The following CDH4 variants were observed in gnomAD, a reference collection of about 807,000 sequenced individuals.
The protein encoded by CDH4 is cadherin-4.
Under a neutral mutation model 86.0 loss-of-function variants are expected in CDH4, and 33 were observed. The observed-to-expected ratio is 0.38, with a 90% CI of 0.29 to 0.51. The LOEUF is 0.51. Among genes scored for constraint, CDH4 ranks in the 20% least tolerant of loss-of-function variants. The probability of loss-of-function intolerance (pLI) is 0.86; values close to 1 mark genes in which losing one functional copy is unlikely to be tolerated. For missense variants in CDH4, 1,114 were observed against 1,307.4 expected (o/e 0.85, Z 2.28); for synonymous variants, 555 against 549.4 (o/e 1.01, Z -0.14).
At chr20:61,610,628 G>A (rs914770899) in intron 2 of CDH4, among the ~76,000 whole-genome samples, 10 of 152,094 alleles carry the variant, frequency 6.6e-5, no homozygotes, top group African/African-American at 2.4e-4. Context: ...AGCATATGAG[G>A]GCTCCCCTTT....
chr20:61,832,391 G>A (rs866759415), intron 4 of CDH4, among the ~76,000 whole-genome samples: 3 of 152,230 alleles, frequency 2.0e-5, no homozygotes, highest in Non-Finnish European at 4.4e-5. Flanking sequence ...TTGTGGTGAT[G>A]AGTAAGTGAG....
chr20:61,311,026 C>G (rs936306955), intron 2 of CDH4, among the ~76,000 whole-genome samples: 2 of 152,186 alleles, frequency 1.3e-5, no homozygotes, highest in African/African-American at 4.8e-5. Context: ...GTCCCCACCC[C>G]ACTCCACTGC....
At chr20:61,900,527 T>C (rs3787409) in intron 8 of CDH4, among the ~76,000 whole-genome samples, 113,561 of 152,038 alleles carry the variant, frequency 0.75, 44,750 homozygotes, top group Non-Finnish European at 0.88. Context: ...CAACTCTGGG[T>C]CCACCCTGGG....
Position 61,910,438 on chromosome 20 carries a change from C to T in CDH4, c.1205C>T (p.Pro402Leu). The T allele has an allele frequency of 6.2e-7, 1 of 1,613,406 alleles. No individual in the cohort carries two copies. Among genetic ancestry groups the T allele is most frequent in the Non-Finnish European group, 8.5e-7 (1 of 1,179,580 alleles). ...FTASTFAGEV[P>L]ENRVETVVAN... Reference sequence around the variant, plus strand: ...ATTTTGCAGTTTGCAGGGGAGGTCCCCGAAAACCGCGTGGAGACCGTGGTC... The same window carrying T: ...ATTTTGCAGTTTGCAGGGGAGGTCCTCGAAAACCGCGTGGAGACCGTGGTC... Residue 402 changes from proline (P) to leucine (L), a missense_variant, in exon 9 of 16, where the codon CCC becomes CTC. Pro to Leu is a moderately conservative substitution (Grantham distance 98, BLOSUM62 -3). Around this residue, in one of 3 missense-constraint regions of CDH4, gnomAD observed 705 missense variants for 914.1 expected, o/e 0.77. Transcript: ENST00000614565.
At chr20:61,320,660 G>T (rs147099991) in intron 2 of CDH4, among the ~76,000 whole-genome samples, 1 of 151,992 alleles carries the variant, frequency 6.6e-6, no homozygotes, top group South Asian at 2.1e-4. Context: ...CCTACCCAGG[G>T]CTGCCTCCCA....
intron 2 of CDH4, among the ~76,000 whole-genome samples, chr20:61,522,427 G>C (rs892716211): frequency 6.6e-6 from 1 of 152,188 alleles, no homozygotes; most frequent in Non-Finnish European, 1.5e-5. Flanking sequence ...GTGCTGCGCC[G>C]TCCCTGACAC....
At chr20:61,363,660 C>T (rs370725247) in intron 2 of CDH4, among the ~76,000 whole-genome samples, 15 of 152,156 alleles carry the variant, frequency 9.9e-5, no homozygotes, top group African/African-American at 3.4e-4. Flanking sequence ...GGCCACAGTG[C>T]ATTCACACAG....
intron 2 of CDH4, among the ~76,000 whole-genome samples, chr20:61,645,462 A>G (rs924589143): frequency 3.3e-5 from 5 of 151,718 alleles, no homozygotes; most frequent in African/African-American, 1.2e-4. Flanking sequence ...CTTCATCTCT[A>G]CAAAAATTTT....
intron 2 of CDH4, among the ~76,000 whole-genome samples, chr20:61,287,431 T>G (rs1405434341): frequency 6.6e-6 from 1 of 152,106 alleles, no homozygotes; most frequent in East Asian, 1.9e-4. Flanking sequence ...GCTGTGATTA[T>G]GCCACTGCAC....
At chr20:61,426,779 T>C (rs920622711) in intron 2 of CDH4, among the ~76,000 whole-genome samples, 1 of 152,212 alleles carries the variant, frequency 6.6e-6, no homozygotes, top group South Asian at 2.1e-4. Context: ...GGCAGAAGCA[T>C]GGATGCTTTC....
chr20:61,340,858 G>A (rs1034928552), intron 2 of CDH4, among the ~76,000 whole-genome samples: 1 of 152,108 alleles, frequency 6.6e-6, no homozygotes, highest in Non-Finnish European at 1.5e-5. Context: ...CCTGAATATT[G>A]GGGTGCAAAT....
At chr20:61,288,745 C>A (rs566471313) in intron 2 of CDH4, among the ~76,000 whole-genome samples, 1 of 152,240 alleles carries the variant, frequency 6.6e-6, no homozygotes. Flanking sequence ...GATTCGAGCA[C>A]GCCTGCCCGG....
chr20:61,818,690 T>TAA (rs749117643), intron 4 of CDH4, among the ~76,000 whole-genome samples: 9 of 142,794 alleles, frequency 6.3e-5, no homozygotes, highest in Admixed American at 2.8e-4. Flanking sequence ...ACTAAAAATT[T>TAA]AAAAAAAAAA....
intron 2 of CDH4, among the ~76,000 whole-genome samples, chr20:61,376,161 G>A (rs1433990839): frequency 6.6e-6 from 1 of 151,912 alleles, no homozygotes; most frequent in Non-Finnish European, 1.5e-5. Context: ...GCTCAAGATG[G>A]TGATGGTGTT....
chr20:61,918,083 G>T (rs897873728), intron 9 of CDH4, among the ~76,000 whole-genome samples: 4 of 152,270 alleles, frequency 2.6e-5, no homozygotes, highest in South Asian at 4.1e-4. Flanking sequence ...GGGCCTGGGG[G>T]GGCAGCTGCA....
chr20:61,638,030 T>TAAAAAAAAAAA (rs10664878), intron 2 of CDH4, among the ~76,000 whole-genome samples: 3 of 141,398 alleles, frequency 2.1e-5, no homozygotes, highest in Admixed American at 7.0e-5. Flanking sequence ...AAACTCCGTC[T>TAAAAAAAAAAA]AAAAAAAAAA....
intron 2 of CDH4, among the ~76,000 whole-genome samples, chr20:61,378,245 ACT>A (rs2084882616): frequency 6.6e-6 from 1 of 152,078 alleles, no homozygotes; most frequent in Non-Finnish European, 1.5e-5. Flanking sequence ...AGAAAGCAAA[ACT>A]CTCTGTTAAA....
At chr20:61,371,799 GT>G (rs2084842151) in intron 2 of CDH4, among the ~76,000 whole-genome samples, 1 of 152,254 alleles carries the variant, frequency 6.6e-6, no homozygotes, top group Non-Finnish European at 1.5e-5. Flanking sequence ...GGGCAAGAGT[GT>G]GCTGGTGCAC....
chr20:61,911,937 T>C (rs145233435), intron 9 of CDH4, among the ~76,000 whole-genome samples: 510 of 151,966 alleles, frequency 3.4e-3, no homozygotes, highest in Non-Finnish European at 5.6e-3. Flanking sequence ...TACTCGAGAG[T>C]TGTATTCTCT....
Sources: allele counts gnomAD v4.1 joint callset (sites outside exome capture counted in the v4.1 genomes callset), GRCh38; gene constraint gnomAD v4.1.1; regional missense constraint gnomAD v4.1.1; transcripts MANE v1.5; gene names NCBI Gene and HGNC (gene_info 2026-07-23, HGNC 2026-07-21).